Variants in FGF2 observed in about 807,000 individuals in gnomAD.
The protein encoded by FGF2 is fibroblast growth factor 2.
In FGF2, 13 loss-of-function variants were observed where a neutral mutation model predicts 15.9. The ratio of observed to expected loss-of-function variants is 0.82; its 90% CI spans 0.53 to 1.30. The LOEUF (loss-of-function observed/expected upper bound fraction) is 1.30, where lower values mean the gene tolerates loss of function less well. Ranked by LOEUF, FGF2 falls within the 50% of genes most tolerant of loss-of-function variation. The pLI, the probability that FGF2 is intolerant of heterozygous loss-of-function variation, is 0.00. For synonymous variants in FGF2, 90 were observed against 78.4 expected (o/e 1.15, Z -0.78); for missense variants, 163 against 196.9 (o/e 0.83, Z 1.03).
chr4:122,886,504 C>T (rs954935314), intron 2 of FGF2, among the ~76,000 whole-genome samples: 1 of 152,198 alleles, frequency 6.6e-6, no homozygotes, highest in Non-Finnish European at 1.5e-5. Context: ...GTAGTATCTA[C>T]ATAAATCGTC....
chr4:122,859,708 A>C (rs770371585), intron 1 of FGF2, among the ~76,000 whole-genome samples: 21 of 152,144 alleles, frequency 1.4e-4, no homozygotes, highest in Non-Finnish European at 2.5e-4. Context: ...CCCATCGTAC[A>C]GGTGAGAAGG....
At chr4:122,867,977 CCA>C (rs796815325) in intron 1 of FGF2, among the ~76,000 whole-genome samples, 29 of 152,204 alleles carry the variant, frequency 1.9e-4, no homozygotes, top group Middle Eastern at 3.4e-3. Flanking sequence ...CCCATTTTTT[CCA>C]CAGTTTTACT....
intron 1 of FGF2, among the ~76,000 whole-genome samples, chr4:122,864,224 T>G (rs1726527142): frequency 6.6e-6 from 1 of 152,208 alleles, no homozygotes; most frequent in Non-Finnish European, 1.5e-5. Context: ...TTTTTCATGC[T>G]TTAGCATTGT....
chr4:122,892,378 A>T lies in FGF2; in HGVS notation c.450A>T (p.Pro150=), dbSNP rs771180287. 6.2e-7 allele frequency: 1 copy of T among 1,614,126 alleles called. No homozygotes were observed. The highest frequency in any genetic ancestry group is 8.5e-7 in the Non-Finnish European group (1 of 1,179,992). ...GPGQKAILFL[P]MSAKS The stretch of plus-strand genomic sequence containing the variant: ...GGCAGAAAGCTATACTTTTTCTTCC[A>T]ATGTCTGCTAAGAGCTGATTTTAAT... The change falls in exon 3 of 3, where the codon CCA becomes CCT. Residue 150 remains proline (P), a synonymous_variant. Transcript: ENST00000644866.
At chr4:122,863,278 A>G (rs1726508851) in intron 1 of FGF2, among the ~76,000 whole-genome samples, 1 of 152,146 alleles carries the variant, frequency 6.6e-6, no homozygotes, top group Admixed American at 6.5e-5. Flanking sequence ...AAAATAGTCT[A>G]CTTTAGTTTG....
At chr4:122,883,290 A>G (rs1726996116) in intron 2 of FGF2, 1 of 152,188 alleles carries the variant, frequency 6.6e-6, no homozygotes, top group Non-Finnish European at 1.5e-5. Flanking sequence ...TGTTAGGTTG[A>G]TTACCAATTA....
At position 122,888,016 on chromosome 4, in the gene FGF2, T is replaced by C. The variant is rs527826561; in HGVS notation, c.283-4195T>C. 1.7e-3 allele frequency among the ~76,000 whole-genome samples: 260 copies of C among 152,292 alleles called. 1 individual carries two copies. The highest frequency in any genetic ancestry group is 3.3e-3 in the Admixed American group (50 of 15,296). ...GATGTGTCTGTTGCATAGTAGGTGC[T>C]CAGTAAATACTGTCTCCATTTGGAT... On this transcript the variant is annotated intron_variant, in intron 2 of 2. Transcript: ENST00000644866.
chr4:122,863,664 T>C (rs1310427181), intron 1 of FGF2, among the ~76,000 whole-genome samples: 1 of 152,246 alleles, frequency 6.6e-6, no homozygotes, highest in East Asian at 1.9e-4. Flanking sequence ...TCCTAGCACC[T>C]GTAAAAAACT....
intron 1 of FGF2, among the ~76,000 whole-genome samples, chr4:122,866,223 C>T (rs1306699170): frequency 6.6e-6 from 1 of 152,074 alleles, no homozygotes; most frequent in East Asian, 1.9e-4. Flanking sequence ...AAAAAATTAG[C>T]CGGGCGTGGT....
intron 1 of FGF2, among the ~76,000 whole-genome samples, chr4:122,844,311 G>A (rs371826524): frequency 6.6e-6 from 1 of 152,074 alleles, no homozygotes; most frequent in Non-Finnish European, 1.5e-5. Flanking sequence ...ACATCTTCAC[G>A]CTTCACTTCA....
At chr4:122,843,884 A>G (rs1441091048) in intron 1 of FGF2, among the ~76,000 whole-genome samples, 2 of 152,186 alleles carry the variant, frequency 1.3e-5, no homozygotes, top group Non-Finnish European at 2.9e-5. Context: ...GTGAGTCGTA[A>G]TTGTTCTGCT....
At chr4:122,882,677 G>T (rs1210676819) in intron 2 of FGF2, 1 of 152,166 alleles carries the variant, frequency 6.6e-6, no homozygotes, top group East Asian at 1.9e-4. Flanking sequence ...TGGCTATTAA[G>T]CATAAATTAA....
intron 1 of FGF2, among the ~76,000 whole-genome samples, chr4:122,836,424 A>G (rs1725867158): frequency 6.6e-6 from 1 of 152,082 alleles, no homozygotes; most frequent in Non-Finnish European, 1.5e-5. Context: ...TTTCTTTCAC[A>G]TCATCCTGTA....
intron 2 of FGF2, among the ~76,000 whole-genome samples, chr4:122,887,287 C>T (rs540214567): frequency 1.3e-5 from 2 of 152,208 alleles, no homozygotes; most frequent in Non-Finnish European, 2.9e-5. Context: ...GCACTCCAGC[C>T]TGGGTGACAG....
chr4:122,861,584 C>T (rs555792218), intron 1 of FGF2, among the ~76,000 whole-genome samples: 1 of 151,972 alleles, frequency 6.6e-6, no homozygotes, highest in Non-Finnish European at 1.5e-5. Flanking sequence ...GTATTTGTTA[C>T]CTTCTGTCCA....
intron 1 of FGF2, among the ~76,000 whole-genome samples, chr4:122,855,226 A>C (rs548498493): frequency 6.6e-6 from 1 of 152,314 alleles, no homozygotes; most frequent in South Asian, 2.1e-4. Flanking sequence ...ATCACCCAAG[A>C]AGCATTTCGA....
Position 122,827,480 on chromosome 4 carries a change from G to T in FGF2, c.178+128G>T, listed in dbSNP as rs991898864. On this transcript the variant is annotated intron_variant, in intron 1 of 2. Coordinates refer to ENST00000644866, the MANE Select transcript of FGF2 (RefSeq NM_001361665.2). This position sits in a 1 kb window ranked among gnomAD's most constrained non-coding sequence, Gnocchi z 4.2. ...CTAGCGCTCCGTGTGGTTTCTGGCC[G>T]CGCGGCCCTCGGCGGTTTCGGGTTC... 4.5e-6 allele frequency: 5 copies of T among 1,121,978 alleles called. No individual in the cohort carries two copies. In the African/African-American group the frequency reaches 7.7e-5, roughly 17 times the overall value. The allele number at this position is 1,121,978 out of a possible 1,614,324, so 69.5% of individuals were successfully genotyped here.
chr4:122,857,612 G>A (rs1407500158), intron 1 of FGF2, among the ~76,000 whole-genome samples: 2 of 152,196 alleles, frequency 1.3e-5, no homozygotes, highest in African/African-American at 4.8e-5. Flanking sequence ...ACAGTTGCTT[G>A]TATTGGTAGC....
chr4:122,854,105 T>C (rs1319128740), intron 1 of FGF2, among the ~76,000 whole-genome samples: 1 of 152,220 alleles, frequency 6.6e-6, no homozygotes, highest in Non-Finnish European at 1.5e-5. Flanking sequence ...AGCCATTATA[T>C]ATTTTCTTTT....
Sources: gnomAD v4.1 joint callset for allele counts (sites outside exome capture counted in the v4.1 genomes callset) on GRCh38, gnomAD v4.1.1 for gene constraint, Gnocchi (gnomAD v3.1) non-coding constraint, MANE v1.5 for transcripts, NCBI Gene and HGNC (gene_info 2026-07-23, HGNC 2026-07-21) for gene names.